CPD: variants seen among roughly 807,000 people sequenced by gnomAD.
CPD encodes metallocarboxypeptidase D.
A neutral mutation model predicts 138.3 loss-of-function variants in CPD; 69 were observed. The observed-to-expected ratio is 0.50, with a 90% CI of 0.41 to 0.61. The LOEUF (loss-of-function observed/expected upper bound fraction) is 0.61. Ranked by LOEUF, CPD falls within the 20% of genes least tolerant of loss-of-function variation. CPD has a pLI of 0.00. For missense variants in CPD, 1,432 were observed against 1,733.3 expected, an observed-to-expected ratio of 0.83 and a Z score of 3.09; for synonymous variants, 651 against 642.1, an observed-to-expected ratio of 1.01 and a Z score of -0.21.
chr17:30,462,496 A>G, intron 20 of CPD, 27 bp downstream of exon 20: 2 of 1,533,802 alleles, frequency 1.3e-6, no homozygotes, highest in South Asian at 2.2e-5. Context: ...TTTTAGTAGT[A>G]AAAGTTAAAA....
intron 20 of CPD, among the ~76,000 whole-genome samples, chr17:30,462,861 T>A (rs1913527499): frequency 6.6e-6 from 1 of 152,188 alleles, no homozygotes; most frequent in South Asian, 2.1e-4. Flanking sequence ...GCTGAAAGTA[T>A]CCTTTATGGG....
At chr17:30,423,128 C>A in intron 5 of CPD, 105 bp downstream of exon 5, 2 of 812,136 alleles carry the variant, frequency 2.5e-6, no homozygotes, top group South Asian at 2.2e-5. Context: ...GTATAACTGG[C>A]ATTAAGAAAA....
rs746085846 is a variant in CPD, at chr17:30,462,035, T to A, written c.3789T>A (p.Ala1263=). The change falls in exon 19 of 21, where the codon GCT becomes GCA. Residue 1263 remains alanine, a synonymous_variant. Coordinates refer to ENST00000225719, the MANE Select transcript of CPD (RefSeq NM_001304.5). ...APGVHNIIAI[A]DGYQQQHSQV... ...GTGTCCATAACATTATTGCCATCGC[T>A]GATGGGTACCAGCAACAACATTCAC... 6.2e-7 allele frequency: 1 copy of A among 1,613,014 alleles called. No homozygotes were observed. The highest frequency in any genetic ancestry group is 8.5e-7 in the Non-Finnish European group (1 of 1,179,586).
chr17:30,411,227 G>A (rs1911960691), intron 2 of CPD, among the ~76,000 whole-genome samples: 1 of 152,176 alleles, frequency 6.6e-6, no homozygotes, highest in African/African-American at 2.4e-5. Context: ...CGAGAGATCT[G>A]CTGTTAGTCC....
At chr17:30,398,264 T>A (rs73277561) in intron 2 of CPD, among the ~76,000 whole-genome samples, 15,114 of 151,916 alleles carry the variant, frequency 0.099, 1,057 homozygotes, top group African/African-American at 0.2. Flanking sequence ...AATAGAATAA[T>A]AATAGAATAA....
intron 2 of CPD, 123 bp from the exon 3 acceptor site, chr17:30,420,718 A>G (rs1271943522): frequency 3.5e-6 from 3 of 845,084 alleles, no homozygotes; most frequent in South Asian, 2.2e-5. Context: ...TCCAATTTCA[A>G]ACAATTTAAT....
At chr17:30,438,283 T>G (rs1010341099) in intron 8 of CPD, among the ~76,000 whole-genome samples, 5 of 152,150 alleles carry the variant, frequency 3.3e-5, no homozygotes, top group Non-Finnish European at 7.4e-5. Context: ...CAATTTCTTC[T>G]AGGAAACTCC....
chr17:30,420,201 T>C (rs1348781237), intron 2 of CPD, among the ~76,000 whole-genome samples: 1 of 152,230 alleles, frequency 6.6e-6, no homozygotes, highest in Admixed American at 6.5e-5. Context: ...CCATCTTCCG[T>C]TTAACACATT....
At chr17:30,409,163 T>C (rs1013258074) in intron 2 of CPD, among the ~76,000 whole-genome samples, 2 of 152,206 alleles carry the variant, frequency 1.3e-5, no homozygotes, top group African/African-American at 4.8e-5. Flanking sequence ...TTACATTTAT[T>C]GATTTGCATA....
intron 17 of CPD, among the ~76,000 whole-genome samples, chr17:30,460,113 C>A (rs1183527955): frequency 2.6e-5 from 4 of 152,166 alleles, no homozygotes; most frequent in Non-Finnish European, 4.4e-5. Flanking sequence ...TATATCTAGT[C>A]AGAGATACAG....
chr17:30,439,870 C>T (rs1912814784), intron 9 of CPD, among the ~76,000 whole-genome samples: 1 of 25,092 alleles, frequency 4.0e-5, no homozygotes, highest in Non-Finnish European at 7.2e-5. Context: ...AATAAACATA[C>T]GTGTGCATGT....
intron 8 of CPD, among the ~76,000 whole-genome samples, chr17:30,435,518 G>A (rs1290959395): frequency 6.6e-6 from 1 of 151,896 alleles, no homozygotes; most frequent in Non-Finnish European, 1.5e-5. Flanking sequence ...GCTTAAAATA[G>A]GTCATAAACC....
rs527978533 is a variant in CPD, at chr17:30,445,783, A to G, written c.2636A>G (p.Asn879Ser). Reference sequence around the variant, plus strand: ...GTTCGATCCTCAACAGATTCAAACAATGAATCAAAGAAAGGAAAAGGGGCT... The same window carrying G: ...GTTCGATCCTCAACAGATTCAAACAGTGAATCAAAGAAAGGAAAAGGGGCT... ...TLVRSSTDSN[N>S]ESKKGKGASS... Residue 879 changes from asparagine (N) to serine (S), a missense_variant, in exon 12 of 21, where the codon AAT becomes AGT. Physicochemically the swap from Asn to Ser is conservative, Grantham distance 46 (BLOSUM62 1). Around this residue, in one of 6 missense-constraint regions of CPD, gnomAD observed 124 missense variants for 117.0 expected, o/e 1.06. Coordinates refer to ENST00000225719, the MANE Select transcript of CPD (RefSeq NM_001304.5). The G allele has an allele frequency of 2.3e-5, 37 of 1,614,046 alleles. No homozygotes were observed. The South Asian group carries it at 2.6e-4, about 11-fold the overall frequency.
At position 30,427,534 on chromosome 17, in the gene CPD, G is replaced by A; in HGVS notation, c.1993G>A (p.Val665Ile). 6.2e-7 allele frequency: 1 copy of A among 1,614,002 alleles called. No homozygotes were observed. Among genetic ancestry groups the A allele is most frequent in the Non-Finnish European group, 8.5e-7 (1 of 1,179,958 alleles). The change falls in exon 7 of 21, where the codon GTA becomes ATA. Residue 665 changes from valine to isoleucine, a missense_variant. Val to Ile is a conservative substitution (Grantham distance 29). Around this residue, in one of 6 missense-constraint regions of CPD, gnomAD observed 297 missense variants for 405.3 expected, o/e 0.73. Coordinates refer to ENST00000225719, the MANE Select transcript of CPD (RefSeq NM_001304.5). ...VMSWMKSYPF[V>I]LSANLHGGSL... ...GAGCTGGATGAAGTCCTATCCATTT[G>A]TACTTTCAGCAAACCTGCATGGAGG...
chr17:30,423,445 A>C, intron 5 of CPD, 61 bp from the exon 6 acceptor site: 1 of 1,281,628 alleles, frequency 7.8e-7, no homozygotes, highest in Non-Finnish European at 1.0e-6. Context: ...TGCGGAAAAA[A>C]ACTGAGTCCA....
intron 6 of CPD, 74 bp downstream of exon 6, chr17:30,423,771 G>A: frequency 8.6e-7 from 1 of 1,165,628 alleles, no homozygotes; most frequent in Non-Finnish European, 1.2e-6. Flanking sequence ...AAGAGAATTT[G>A]AACTGGTTCT....
intron 2 of CPD, among the ~76,000 whole-genome samples, chr17:30,388,298 G>C (rs1284530537): frequency 6.6e-6 from 1 of 152,186 alleles, no homozygotes; most frequent in East Asian, 1.9e-4. Context: ...CTGGCCTGAA[G>C]GTGGGGCCTC....
chr17:30,437,218 T>C (rs1597724863), intron 8 of CPD, among the ~76,000 whole-genome samples: 1 of 152,062 alleles, frequency 6.6e-6, no homozygotes, highest in African/African-American at 2.4e-5. Context: ...TTATGGTGGG[T>C]GGTTATACAA....
At position 30,401,336 on chromosome 17, in the gene CPD, CTCT is replaced by C. The variant is rs548893932; in HGVS notation, c.994+16106_994+16108del. Among the ~76,000 whole-genome samples the C allele has an allele frequency of 1.4e-3, 214 of 149,634 alleles. 1 individual carries two copies. Among genetic ancestry groups the C allele is most frequent in the African/African-American group, 5.1e-3 (207 of 40,668 alleles). Reference sequence around the variant, plus strand: ...CCTCTTCCTCCTCTTCTTCCTCTTCCTCTTCTTCCTCCTCTTCCTCTTCTTCCT... The same window carrying C: ...CCTCTTCCTCCTCTTCTTCCTCTTCCTCTTCCTCCTCTTCCTCTTCTTCCT... On this transcript the variant is annotated intron_variant, in intron 2 of 20. Transcript: ENST00000225719.
Sources: gnomAD v4.1 joint callset for allele counts (sites outside exome capture counted in the v4.1 genomes callset) on GRCh38, gnomAD v4.1.1 for gene constraint, gnomAD v4.1.1 regional missense constraint, MANE v1.5 for transcripts, NCBI Gene and HGNC (gene_info 2026-07-23, HGNC 2026-07-21) for gene names.